RGS22: variants seen among roughly 807,000 people sequenced by gnomAD.
The protein encoded by RGS22 is regulator of G protein signaling 22, also known as regulator of G-protein signaling 22.
In RGS22, 148 loss-of-function variants were observed where a neutral mutation model predicts 172.9. The observed-to-expected ratio is 0.86, with a 90% CI of 0.75 to 0.98. The LOEUF is 0.98. Ranked by LOEUF, RGS22 falls within the 50% of genes least tolerant of loss-of-function variation. The probability of loss-of-function intolerance (pLI) is 0.00; values close to 1 mark genes in which losing one functional copy is unlikely to be tolerated. For missense variants in RGS22, 1,347 were observed against 1,440.8 expected (o/e 0.93, Z 1.05); for synonymous variants, 458 against 480.2 (o/e 0.95, Z 0.60).
At chr8:99,991,463 G>A (rs1813710620) in intron 20 of RGS22, among the ~76,000 whole-genome samples, 1 of 152,180 alleles carries the variant, frequency 6.6e-6, no homozygotes, top group South Asian at 2.1e-4. Context: ...AGAACTTCGC[G>A]ACGCATGCAC....
chr8:100,092,719 T>A (rs1812677044), intron 3 of RGS22, among the ~76,000 whole-genome samples: 1 of 152,158 alleles, frequency 6.6e-6, no homozygotes, highest in African/African-American at 2.4e-5. Flanking sequence ...CCTTATACAT[T>A]ACCCAATCTC....
At chr8:99,995,319 G>C (rs1438878161) in intron 20 of RGS22, among the ~76,000 whole-genome samples, 1 of 152,166 alleles carries the variant, frequency 6.6e-6, no homozygotes, top group East Asian at 1.9e-4. Flanking sequence ...TACCATCAGA[G>C]TGAACAGGCA....
At chr8:100,066,445 G>GA in intron 6 of RGS22, 149 bp from the exon 7 acceptor site, 1 of 635,204 alleles carries the variant, frequency 1.6e-6, no homozygotes, top group Non-Finnish European at 2.5e-6. Flanking sequence ...AAATTCTACT[G>GA]AAAAAATTAA....
At chr8:100,035,051 G>A (rs976299595) in intron 14 of RGS22, among the ~76,000 whole-genome samples, 2 of 152,148 alleles carry the variant, frequency 1.3e-5, no homozygotes, top group Non-Finnish European at 2.9e-5. Flanking sequence ...GCATGGGCAA[G>A]GACTTCATGT....
chr8:100,011,681 T>C (rs1179587777), intron 14 of RGS22, among the ~76,000 whole-genome samples: 1 of 152,170 alleles, frequency 6.6e-6, no homozygotes, highest in Non-Finnish European at 1.5e-5. Context: ...AGATACTGAC[T>C]CCAGCCTCGA....
chr8:100,023,337 G>C (rs962358328), intron 14 of RGS22, among the ~76,000 whole-genome samples: 1 of 152,116 alleles, frequency 6.6e-6, no homozygotes, highest in African/African-American at 2.4e-5. Context: ...AGTACTTCAA[G>C]GGCATGTCAA....
intron 23 of RGS22, among the ~76,000 whole-genome samples, chr8:99,971,527 G>A (rs1277223251): frequency 6.6e-6 from 1 of 152,192 alleles, no homozygotes; most frequent in East Asian, 1.9e-4. Flanking sequence ...CTTCAGCAAA[G>A]TCTCAGAATA....
chr8:100,002,383 C>T lies in RGS22; in HGVS notation c.2628-19G>A, dbSNP rs768785337. 1.1e-5 allele frequency: 18 copies of T among 1,585,912 alleles called. No individual in the cohort carries two copies. In the South Asian group the frequency reaches 2.1e-4, roughly 19 times the overall value. On this transcript the variant is annotated intron_variant, in intron 17 of 27. Transcript: ENST00000360863. ...ATCCATGCTAAAATGAAAACAAAAA[C>T]AATGTATAGCTCTTCATATTTCTTC...
intron 21 of RGS22, among the ~76,000 whole-genome samples, chr8:99,986,998 A>G (rs1813167870): frequency 1.3e-5 from 2 of 152,326 alleles, no homozygotes; most frequent in Middle Eastern, 3.4e-3. Context: ...AAAAAACCTA[A>G]TACAGGTTGA....
intron 13 of RGS22, 25 bp downstream of exon 13, chr8:100,039,937 T>C: frequency 7.5e-7 from 1 of 1,334,364 alleles, no homozygotes; most frequent in Non-Finnish European, 9.9e-7. Flanking sequence ...ATTATAAAAT[T>C]AAATTTTAAA....
At position 100,066,254 on chromosome 8, in the gene RGS22, G is replaced by A. The variant is rs779352613; in HGVS notation, c.637C>T (p.Gln213Ter). 2 of 1,613,404 alleles carry A rather than the reference G, an allele frequency of 1.2e-6. No homozygotes were observed. Among genetic ancestry groups the A allele is most frequent in the Non-Finnish European group, 1.7e-6 (2 of 1,179,466 alleles). The change falls in exon 7 of 28, where the codon CAA becomes TAA. Residue 213 changes from glutamine to a stop codon, truncating the protein, a stop_gained. Transcript: ENST00000360863. LOFTEE classifies it high-confidence loss of function. The part of the protein sequence containing the change: ...QTKDWFALAK[Q>*]SQQTVSTFSL... The stretch of plus-strand genomic sequence containing the variant: ...AAGGTTGATACTGTTTGCTGACTTT[G>A]TTTTGCTAATGCAAACCAATCTTTT...
At chr8:99,973,874 A>AG (rs886971438) in intron 23 of RGS22, among the ~76,000 whole-genome samples, 21 of 151,816 alleles carry the variant, frequency 1.4e-4, no homozygotes, top group African/African-American at 5.1e-4. Context: ...ATCTCAAAAA[A>AG]AAAAAAAACA....
intron 9 of RGS22, among the ~76,000 whole-genome samples, chr8:100,054,808 C>A (rs1267950068): frequency 1.3e-5 from 2 of 151,886 alleles, no homozygotes; most frequent in Non-Finnish European, 2.9e-5. Context: ...TGCATGTCAA[C>A]CAGTAAGGGG....
intron 22 of RGS22, among the ~76,000 whole-genome samples, chr8:99,978,348 T>C (rs1812204545): frequency 6.6e-6 from 1 of 152,188 alleles, no homozygotes; most frequent in Non-Finnish European, 1.5e-5. Context: ...ATTGATTGTA[T>C]TAATAAAGAA....
intron 3 of RGS22, among the ~76,000 whole-genome samples, chr8:100,089,197 TACACACACACACAA>T (rs1237788487): frequency 1.4e-5 from 2 of 145,318 alleles, no homozygotes; most frequent in African/African-American, 2.7e-5. Context: ...ATACACGAGA[TACACACACACACAA>T]ACACACACAC....
At position 100,022,633 on chromosome 8, in the gene RGS22, T is replaced by G. The variant is rs368686554; in HGVS notation, c.2167-14064A>C. Among the ~76,000 whole-genome samples, 33 of 152,208 alleles carry G rather than the reference T, an allele frequency of 2.2e-4. No individual in the cohort carries two copies. In the East Asian group the frequency reaches 6.0e-3, roughly 28 times the overall value. ...TTTTGGATTTGTTTTTTAAAAAACC[T>G]TTAACTGACAAAAGCAAGATATACA... is the stretch of plus-strand genomic sequence containing the variant. On this transcript the variant is annotated intron_variant, in intron 14 of 27. Coordinates refer to ENST00000360863, the MANE Select transcript of RGS22 (RefSeq NM_015668.5).
At chr8:100,091,349 C>T (rs1398025424) in intron 3 of RGS22, among the ~76,000 whole-genome samples, 1 of 143,844 alleles carries the variant, frequency 7.0e-6, no homozygotes, top group Non-Finnish European at 1.5e-5. Context: ...AGATGGAAAA[C>T]AGGAAAAAGG....
At chr8:99,976,425 C>A (rs1393192047) in intron 23 of RGS22, among the ~76,000 whole-genome samples, 2 of 151,792 alleles carry the variant, frequency 1.3e-5, no homozygotes, top group Non-Finnish European at 2.9e-5. Flanking sequence ...GCAGTGGCGC[C>A]ATCTCGGCTC....
intron 11 of RGS22, 76 bp from the exon 12 acceptor site, chr8:100,041,992 G>A: frequency 1.2e-6 from 1 of 816,080 alleles, no homozygotes; most frequent in East Asian, 2.6e-5. Context: ...GAGCACTTTT[G>A]GTATACATAG....
Sources: allele counts gnomAD v4.1 joint callset (sites outside exome capture counted in the v4.1 genomes callset), GRCh38; gene constraint gnomAD v4.1.1; transcripts MANE v1.5; gene names NCBI Gene and HGNC (gene_info 2026-07-23, HGNC 2026-07-21).